AGTPBP1: variants seen among roughly 807,000 people sequenced by gnomAD.
AGTPBP1 encodes cytosolic carboxypeptidase 1.
AGTPBP1 carries 70 observed loss-of-function variants against 143.9 expected under a neutral mutation model. The observed-to-expected ratio is 0.49, with a 90% CI of 0.40 to 0.59. The LOEUF (loss-of-function observed/expected upper bound fraction) is 0.59, where lower values mean the gene tolerates loss of function less well. Ranked by LOEUF, AGTPBP1 falls within the 20% of genes least tolerant of loss-of-function variation. The pLI, the probability that AGTPBP1 is intolerant of heterozygous loss-of-function variation, is 0.00. For synonymous variants in AGTPBP1, 463 were observed against 500.2 expected (o/e 0.93, Z 0.99); for missense variants, 1,229 against 1,464.5 (o/e 0.84, Z 2.62).
At chr9:85,556,607 A>G (rs961525588) in intron 25 of AGTPBP1, among the ~76,000 whole-genome samples, 1 of 152,164 alleles carries the variant, frequency 6.6e-6, no homozygotes, top group Non-Finnish European at 1.5e-5. Context: ...TATAAAGAGA[A>G]AACTGGGACT....
intron 2 of AGTPBP1, among the ~76,000 whole-genome samples, chr9:85,708,507 C>G (rs146337005): frequency 1.8e-3 from 277 of 152,262 alleles, no homozygotes; most frequent in African/African-American, 6.3e-3. Flanking sequence ...CTATCTATAT[C>G]TAATAAAGAA....
At chr9:85,565,314 A>G (rs936411287) in intron 25 of AGTPBP1, among the ~76,000 whole-genome samples, 2 of 152,358 alleles carry the variant, frequency 1.3e-5, no homozygotes, top group African/African-American at 4.8e-5. Flanking sequence ...AAAACCAAGA[A>G]GGATAAAACT....
chr9:85,642,094 A>T (rs1832513063), intron 13 of AGTPBP1, among the ~76,000 whole-genome samples: 1 of 152,136 alleles, frequency 6.6e-6, no homozygotes, highest in Non-Finnish European at 1.5e-5. Context: ...AAGTGTATGA[A>T]ATTTGGGGAA....
At chr9:85,656,026 A>G (rs902838535) in intron 10 of AGTPBP1, among the ~76,000 whole-genome samples, 7 of 152,124 alleles carry the variant, frequency 4.6e-5, no homozygotes, top group South Asian at 2.1e-4. Flanking sequence ...ACGAGGTTTC[A>G]CCATGTTAGC....
chr9:85,577,964 A>T (rs927592950), intron 24 of AGTPBP1, among the ~76,000 whole-genome samples: 1 of 152,132 alleles, frequency 6.6e-6, no homozygotes, highest in Non-Finnish European at 1.5e-5. Flanking sequence ...TCTTTATGTG[A>T]GGTATATAAA....
chr9:85,666,570 T>C (rs1471781863), intron 8 of AGTPBP1, among the ~76,000 whole-genome samples: 1 of 152,088 alleles, frequency 6.6e-6, no homozygotes, highest in Non-Finnish European at 1.5e-5. Flanking sequence ...AAAGTAGAAA[T>C]AGAAAAATAA....
chr9:85,741,907 G>A lies in AGTPBP1; in HGVS notation c.-166C>T, dbSNP rs1824332164. 1.7e-6 allele frequency: 2 copies of A among 1,202,948 alleles called. No individual in the cohort carries two copies. Among genetic ancestry groups the A allele is most frequent in the Non-Finnish European group, 2.1e-6 (2 of 941,538 alleles). 74.5% of individuals were successfully genotyped at this position (1,202,948 alleles called of 1,614,324 possible). On this transcript the variant is annotated 5_prime_UTR_variant, in exon 1 of 26. Coordinates refer to ENST00000357081, the MANE Select transcript of AGTPBP1 (RefSeq NM_001330701.2). ...AACCCCGGTGGCAGGCGAGGCGGAG[G>A]CGGCGGCGGCGGCAGCTGCGGCGGC...
chr9:85,648,811 CAA>C (rs1426942475), intron 11 of AGTPBP1, among the ~76,000 whole-genome samples: 2 of 150,320 alleles, frequency 1.3e-5, no homozygotes, highest in Non-Finnish European at 3.0e-5. Flanking sequence ...GACTCCGTCT[CAA>C]AAAAAAGAGA....
At chr9:85,635,912 C>G (rs1376241459) in intron 13 of AGTPBP1, among the ~76,000 whole-genome samples, 2 of 151,916 alleles carry the variant, frequency 1.3e-5, no homozygotes, top group African/African-American at 4.8e-5. Context: ...AGTAGCACCA[C>G]TCACAAACTG....
chr9:85,799,017 T>C, the AGTPBP1 span, among the ~76,000 whole-genome samples: 1 of 152,160 alleles, frequency 6.6e-6, no homozygotes. Context: ...GTGTATGATG[T>C]TCCCCGCCCT....
intron 2 of AGTPBP1, among the ~76,000 whole-genome samples, chr9:85,697,744 G>A (rs7861616): frequency 0.13 from 20,359 of 152,100 alleles, 1,609 homozygotes; most frequent in East Asian, 0.3. Flanking sequence ...GAGCCACTGC[G>A]CCCAGCCCTT....
intron 17 of AGTPBP1, among the ~76,000 whole-genome samples, chr9:85,610,961 A>G (rs1482095331): frequency 6.6e-6 from 1 of 152,174 alleles, no homozygotes. Flanking sequence ...CTACCTAAAC[A>G]GCTCCCATAG....
chr9:85,702,801 T>C (rs1836755177), intron 2 of AGTPBP1, among the ~76,000 whole-genome samples: 1 of 152,140 alleles, frequency 6.6e-6, no homozygotes, highest in Non-Finnish European at 1.5e-5. Context: ...GGCCTCACAA[T>C]TGAATGGCTC....
chr9:85,553,848 C>T (rs2118465084), intron 25 of AGTPBP1: 1 of 152,280 alleles, frequency 6.6e-6, no homozygotes, highest in South Asian at 2.1e-4. Context: ...CTGATTCTGA[C>T]CGGAATTTCT....
intron 1 of AGTPBP1, among the ~76,000 whole-genome samples, chr9:85,724,832 T>C (rs1051392375): frequency 2.6e-5 from 4 of 152,340 alleles, no homozygotes; most frequent in South Asian, 2.1e-4. Flanking sequence ...TGCCAGCACA[T>C]TGCAGGTGCT....
At chr9:85,709,939 G>T (rs1280255717) in intron 2 of AGTPBP1, among the ~76,000 whole-genome samples, 2 of 152,106 alleles carry the variant, frequency 1.3e-5, no homozygotes, top group East Asian at 3.9e-4. Context: ...TATCTAATTA[G>T]AATCTTTGTT....
intron 14 of AGTPBP1, 73 bp downstream of exon 14, chr9:85,632,589 A>G: frequency 7.6e-7 from 1 of 1,313,284 alleles, no homozygotes; most frequent in East Asian, 2.4e-5. Context: ...AAATGCCCAA[A>G]GTAATTTTTT....
At chr9:85,652,105 A>G (rs1833198250) in intron 11 of AGTPBP1, among the ~76,000 whole-genome samples, 2 of 152,174 alleles carry the variant, frequency 1.3e-5, no homozygotes, top group Non-Finnish European at 2.9e-5. Flanking sequence ...CCACTCCTCA[A>G]CCTCTGGGGA....
At chr9:85,665,046 T>C (rs563830887) in intron 8 of AGTPBP1, among the ~76,000 whole-genome samples, 34 of 152,318 alleles carry the variant, frequency 2.2e-4, no homozygotes, top group African/African-American at 7.5e-4. Context: ...TACTGCTAAG[T>C]ACATGCAGTT....
Sources: gnomAD v4.1 joint callset for allele counts (sites outside exome capture counted in the v4.1 genomes callset) on GRCh38, gnomAD v4.1.1 for gene constraint, MANE v1.5 for transcripts, NCBI Gene and HGNC (gene_info 2026-07-23, HGNC 2026-07-21) for gene names.